The following ZDHHC15 variants were observed in gnomAD, a reference collection of about 807,000 sequenced individuals.
ZDHHC15 encodes palmitoyltransferase ZDHHC15.
Under a neutral mutation model 31.7 loss-of-function variants are expected in ZDHHC15, and 19 were observed. The ratio of observed to expected loss-of-function variants is 0.60; its 90% confidence interval spans 0.42 to 0.88. The LOEUF (loss-of-function observed/expected upper bound fraction) is 0.88. Among genes scored for constraint, ZDHHC15 ranks in the 40% least tolerant of loss-of-function variants. ZDHHC15 has a pLI of 0.00. For synonymous variants in ZDHHC15, 103 were observed against 90.0 expected, an observed-to-expected ratio of 1.14 and a Z score of -0.82; for missense variants, 209 against 251.2, an observed-to-expected ratio of 0.83 and a Z score of 1.14.
intron 10 of ZDHHC15, among the ~76,000 whole-genome samples, chrX:75,406,075 T>C (rs1221292215): frequency 2.7e-5 from 3 of 111,124 alleles, no homozygotes; most frequent in African/African-American, 9.8e-5. Flanking sequence ...CACAAACACA[T>C]AGAAATTAAA....
At chrX:75,404,549 C>A (rs1027882698) in intron 10 of ZDHHC15, among the ~76,000 whole-genome samples, 3 of 111,348 alleles carry the variant, frequency 2.7e-5, no homozygotes, top group Non-Finnish European at 5.7e-5. Flanking sequence ...CAAACAACCC[C>A]ATTAAAAAGT....
intron 11 of ZDHHC15, among the ~76,000 whole-genome samples, chrX:75,378,038 A>T (rs989128288): frequency 1.8e-5 from 2 of 112,012 alleles, no homozygotes; most frequent in African/African-American, 6.5e-5. Flanking sequence ...CAAACATTTC[A>T]TCAGGGCTTT....
intron 5 of ZDHHC15, 62 bp downstream of exon 5, chrX:75,431,389 T>C (rs2083778267): frequency 1.9e-6 from 2 of 1,071,729 alleles, no homozygotes; most frequent in Admixed American, 2.4e-5. Flanking sequence ...ATCAGTCATT[T>C]TGTTGTCTAG....
At chrX:75,448,223 C>G (rs2084060453) in intron 4 of ZDHHC15, among the ~76,000 whole-genome samples, 1 of 112,334 alleles carries the variant, frequency 8.9e-6, no homozygotes, top group African/African-American at 3.2e-5. Flanking sequence ...CCAATTCAGG[C>G]AGGACTACTA....
At chrX:75,386,979 C>A (rs1015737191) in intron 10 of ZDHHC15, among the ~76,000 whole-genome samples, 1 of 111,187 alleles carries the variant, frequency 9.0e-6, no homozygotes, top group South Asian at 3.8e-4. Flanking sequence ...AATAAAGGAA[C>A]TACACCTAAT....
chrX:75,452,844 GAC>G (rs1204305964), intron 3 of ZDHHC15, among the ~76,000 whole-genome samples: 1 of 111,880 alleles, frequency 8.9e-6, no homozygotes, highest in East Asian at 2.8e-4. Context: ...TGAGAACAAA[GAC>G]ACAACATACT....
chrX:75,499,886 C>T (rs1165244119), intron 2 of ZDHHC15, among the ~76,000 whole-genome samples: 1 of 111,605 alleles, frequency 9.0e-6, no homozygotes, highest in Non-Finnish European at 1.9e-5. Flanking sequence ...GAAACCAGCC[C>T]AAATGCTCAT....
At position 75,396,586 on chromosome X, in the gene ZDHHC15, C is replaced by T. The variant is rs186118684; in HGVS notation, c.968-17388G>A. On this transcript the variant is annotated intron_variant, in intron 10 of 11. Coordinates refer to ENST00000373367, the MANE Select transcript of ZDHHC15 (RefSeq NM_144969.3). The stretch of plus-strand genomic sequence containing the variant: ...TACTATGGAGTATAGTTTGGCATTT[C>T]CTCAGAAAACTAAAAATAGAGCTAA... Among the ~76,000 whole-genome samples, 411 of 111,655 alleles carry T rather than the reference C, an allele frequency of 3.7e-3. 1 individual carries two copies. The highest frequency in any genetic ancestry group is 0.013 in the African/African-American group (401 of 30,812).
intron 4 of ZDHHC15, among the ~76,000 whole-genome samples, chrX:75,443,355 G>T (rs1283049299): frequency 2.7e-5 from 3 of 111,398 alleles, no homozygotes; most frequent in African/African-American, 9.8e-5. Context: ...CTGAAAAAAA[G>T]AAGAAATGGG....
intron 9 of ZDHHC15, among the ~76,000 whole-genome samples, chrX:75,420,197 T>C (rs1217085102): frequency 9.0e-6 from 1 of 111,096 alleles, no homozygotes; most frequent in Non-Finnish European, 1.9e-5. Context: ...AACAAACATA[T>C]TAAAAAAAGC....
intron 10 of ZDHHC15, among the ~76,000 whole-genome samples, chrX:75,399,916 A>G (rs999362451): frequency 5.4e-4 from 60 of 111,827 alleles, no homozygotes; most frequent in Middle Eastern, 9.3e-3. Flanking sequence ...TCAGCTTCAA[A>G]TAAAGACACT....
intron 9 of ZDHHC15, among the ~76,000 whole-genome samples, chrX:75,418,360 T>C (rs1477296250): frequency 8.9e-6 from 1 of 111,814 alleles, no homozygotes; most frequent in Non-Finnish European, 1.9e-5. Flanking sequence ...AACATGAGTG[T>C]ATTCCTGTCT....
chrX:75,463,574 T>TGACAAC (rs2084353944), intron 3 of ZDHHC15, among the ~76,000 whole-genome samples: 1 of 30,076 alleles, frequency 3.3e-5, no homozygotes, highest in Non-Finnish European at 1.0e-4. Context: ...GAACTCAAAT[T>TGACAAC]TACAACAACA....
chrX:75,518,316 A>C (rs2085391660), intron 1 of ZDHHC15, among the ~76,000 whole-genome samples: 1 of 111,455 alleles, frequency 9.0e-6, no homozygotes. Flanking sequence ...AAAAATGGAC[A>C]ATGGCTTGAA....
intron 10 of ZDHHC15, among the ~76,000 whole-genome samples, chrX:75,404,916 A>T (rs957146371): frequency 1.1e-4 from 12 of 112,025 alleles, no homozygotes; most frequent in African/African-American, 3.6e-4. Context: ...TGCCATAAAG[A>T]CACATGCACA....
intron 5 of ZDHHC15, 25 bp from the exon 6 acceptor site, chrX:75,430,005 T>C (rs1196070520): frequency 1.7e-6 from 2 of 1,197,475 alleles, no homozygotes; most frequent in African/African-American, 3.5e-5. Flanking sequence ...AAATACAGTG[T>C]GATAAGTGAG....
At chrX:75,456,943 AT>A (rs1466515985) in intron 3 of ZDHHC15, among the ~76,000 whole-genome samples, 1 of 111,531 alleles carries the variant, frequency 9.0e-6, no homozygotes, top group Non-Finnish European at 1.9e-5. Context: ...CCAAGCTTTA[AT>A]TTCCTCATCC....
chrX:75,380,402 G>C (rs2083101799), intron 10 of ZDHHC15, among the ~76,000 whole-genome samples: 1 of 111,673 alleles, frequency 9.0e-6, no homozygotes, highest in Admixed American at 9.5e-5. Context: ...GTGTGGTTTG[G>C]TGATGAACCT....
At position 75,372,846 on chromosome X, in the gene ZDHHC15, T is replaced by C. The variant is rs1415938794; in HGVS notation, c.*132A>G. On this transcript the variant is annotated 3_prime_UTR_variant, in exon 12 of 12. Transcript: ENST00000373367. ...AAGTATTTGATGGAATTCTTTCAAATTTTGAAGCTTTCAATCCAACACGGT... is the reference window on the plus strand; with the variant it reads ...AAGTATTTGATGGAATTCTTTCAAACTTTGAAGCTTTCAATCCAACACGGT... 1.8e-5 allele frequency: 2 copies of C among 111,847 alleles called. No individual in the cohort carries two copies. Among genetic ancestry groups the C allele is most frequent in the African/African-American group, 6.5e-5 (2 of 30,809 alleles). 9.2% of individuals were successfully genotyped at this position (111,847 alleles called of 1,213,427 possible). A position where few individuals can be genotyped will look rare whatever the true frequency, so the allele number is the denominator to read the frequency against.
Sources: allele counts gnomAD v4.1 joint callset (sites outside exome capture counted in the v4.1 genomes callset), GRCh38; gene constraint gnomAD v4.1.1; transcripts MANE v1.5; gene names NCBI Gene and HGNC (gene_info 2026-07-23, HGNC 2026-07-21).